ZNF800: variants seen among roughly 807,000 people sequenced by gnomAD.
ZNF800 encodes zinc finger protein 800.
Under a neutral mutation model 59.5 loss-of-function variants are expected in ZNF800, and 13 were observed. That is an observed-to-expected ratio of 0.22 (90% CI 0.14 to 0.35). The LOEUF (loss-of-function observed/expected upper bound fraction) is 0.35. ZNF800 is among the 10% of genes least tolerant of loss of function. ZNF800 has a pLI of 1.00. For synonymous variants in ZNF800, 266 were observed against 265.7 expected, an observed-to-expected ratio of 1.00 and a Z score of -0.01; for missense variants, 621 against 783.7, an observed-to-expected ratio of 0.79 and a Z score of 2.48.
At position 127,392,183 on chromosome 7, in the gene ZNF800, G is replaced by A. The variant is rs1262578847; in HGVS notation, c.-182C>T. 2.0e-5 allele frequency: 8 copies of A among 394,762 alleles called. No individual in the cohort carries two copies. The highest frequency in any genetic ancestry group is 3.1e-5 in the Non-Finnish European group (7 of 223,574). 24.5% of individuals were successfully genotyped at this position (394,762 alleles called of 1,614,324 possible). A position where few individuals can be genotyped will look rare whatever the true frequency, so the allele number is the denominator to read the frequency against. On this transcript the variant is annotated 5_prime_UTR_variant, in exon 1 of 6. Transcript: ENST00000265827. ...CTGGCGCAGCCTCCGCTGACCACGC[G>A]GGGGAACCCGGACTCGGGCCCGACG...
chr7:127,359,643 G>C (rs1334700543), intron 1 of ZNF800: 1 of 152,098 alleles, frequency 6.6e-6, no homozygotes, highest in Non-Finnish European at 1.5e-5. Context: ...TAGAGTCTCT[G>C]AACAGATGAC....
chr7:127,356,824 A>G (rs1474695167), intron 1 of ZNF800, among the ~76,000 whole-genome samples: 1 of 151,954 alleles, frequency 6.6e-6, no homozygotes, highest in African/African-American at 2.4e-5. Flanking sequence ...AAATTGTTTT[A>G]TTATAGCTAT....
chr7:127,388,828 T>C (rs770086566), intron 2 of ZNF800, among the ~76,000 whole-genome samples: 3 of 152,206 alleles, frequency 2.0e-5, no homozygotes, highest in Non-Finnish European at 4.4e-5. Context: ...TAGCTCCCAC[T>C]CTAAAGAAAC....
At chr7:127,381,447 T>TAC (rs966275184) in intron 3 of ZNF800, among the ~76,000 whole-genome samples, 65 of 151,780 alleles carry the variant, frequency 4.3e-4, no homozygotes, top group African/African-American at 1.5e-3. Flanking sequence ...TAAATATATA[T>TAC]ATATGTTAAT....
At position 127,391,590 on chromosome 7, in the gene ZNF800, G is replaced by A; in HGVS notation, c.-33C>T. The A allele has an allele frequency of 6.2e-7, 1 of 1,604,420 alleles. No individual in the cohort carries two copies. The highest frequency in any genetic ancestry group is 1.7e-4 in the Middle Eastern group (1 of 6,040). The stretch of plus-strand genomic sequence containing the variant: ...GGACTCGACCTACTTTGCTTTCACT[G>A]TAAGAAGCTCTTCATTGCGGCGTGG... On this transcript the variant is annotated 5_prime_UTR_variant, in exon 2 of 6. The change creates a premature stop within an existing upstream ORF in the 5' untranslated region. Transcript: ENST00000265827.
intron 4 of ZNF800, among the ~76,000 whole-genome samples, chr7:127,375,806 C>T (rs1364544659): frequency 6.6e-6 from 1 of 151,934 alleles, no homozygotes. Context: ...AATCTAGCTA[C>T]AAATTTAGTA....
Position 127,379,836 on chromosome 7 carries a change from A to ACCCCCCCCCCCCCCCCCCCCCCCCCC in ZNF800, c.158-2508_158-2507insGGGGGGGGGGGGGGGGGGGGGGGGGG, listed in dbSNP as rs71179574. On this transcript the variant is annotated intron_variant, in intron 3 of 5. Transcript: ENST00000265827. The stretch of plus-strand genomic sequence containing the variant: ...ACAAATGCTTCCCCTTACCCTTGCC[A>ACCCCCCCCCCCCCCCCCCCCCCCCCC]CCCCCCCACCCCCCCACCCCCCCCA... 2.2e-4 allele frequency among the ~76,000 whole-genome samples: 6 copies of ACCCCCCCCCCCCCCCCCCCCCCCCCC among 27,654 alleles called. 1 individual carries two copies. Among genetic ancestry groups the ACCCCCCCCCCCCCCCCCCCCCCCCCC allele is most frequent in the South Asian group, 2.6e-3 (1 of 386 alleles). 18.1% of individuals were successfully genotyped at this position (27,654 alleles called of 152,430 possible).
At chr7:127,386,941 A>G (rs1587455197) in intron 2 of ZNF800, among the ~76,000 whole-genome samples, 2 of 151,852 alleles carry the variant, frequency 1.3e-5, no homozygotes, top group African/African-American at 4.8e-5. Flanking sequence ...TATATTTTAT[A>G]TATGTATAAA....
intron 3 of ZNF800, among the ~76,000 whole-genome samples, chr7:127,379,409 C>T (rs1232715065): frequency 6.6e-6 from 1 of 152,142 alleles, no homozygotes; most frequent in Non-Finnish European, 1.5e-5. Context: ...CTGCTAGACC[C>T]ATAATACAGA....
intron 3 of ZNF800, among the ~76,000 whole-genome samples, chr7:127,379,831 TTGC>T (rs1562907405): frequency 3.6e-5 from 1 of 28,008 alleles, no homozygotes; most frequent in Non-Finnish European, 6.6e-5. Flanking sequence ...CCCCTTACCC[TTGC>T]CACCCCCCCA....
Position 127,379,836 on chromosome 7 carries a change from A to ACCCCCCCCCCCCCCCCCCCCCCCCC in ZNF800, c.158-2508_158-2507insGGGGGGGGGGGGGGGGGGGGGGGGG, listed in dbSNP as rs71179574. Among the ~76,000 whole-genome samples the ACCCCCCCCCCCCCCCCCCCCCCCCC allele has an allele frequency of 4.3e-4, 12 of 27,652 alleles. 3 individuals carry two copies. Among genetic ancestry groups the ACCCCCCCCCCCCCCCCCCCCCCCCC allele is most frequent in the East Asian group, 4.2e-3 (2 of 472 alleles). 18.1% of individuals were successfully genotyped at this position (27,652 alleles called of 152,430 possible). ...ACAAATGCTTCCCCTTACCCTTGCC[A>ACCCCCCCCCCCCCCCCCCCCCCCCC]CCCCCCCACCCCCCCACCCCCCCCA... On this transcript the variant is annotated intron_variant, in intron 3 of 5. Transcript: ENST00000265827.
At chr7:127,367,048 CAG>C (rs970183553), downstream of ZNF800, among the ~76,000 whole-genome samples, 2 of 152,066 alleles carry the variant, frequency 1.3e-5, no homozygotes, top group African/African-American at 2.4e-5. Flanking sequence ...CAAAATAAAG[CAG>C]AGTCTGAAAA....
intron 1 of ZNF800, among the ~76,000 whole-genome samples, chr7:127,357,679 A>G (rs11563644): frequency 6.6e-6 from 1 of 152,034 alleles, no homozygotes; most frequent in Non-Finnish European, 1.5e-5. Flanking sequence ...TTTTCAAGAA[A>G]TAATCTTTTA....
downstream of ZNF800, among the ~76,000 whole-genome samples, chr7:127,366,918 C>A (rs996746132): frequency 1.3e-5 from 2 of 152,056 alleles, no homozygotes; most frequent in African/African-American, 4.8e-5. Context: ...TTTCCTCTTA[C>A]AGAAGATTGA....
intron 2 of ZNF800, 65 bp downstream of exon 2, chr7:127,391,432 A>G (rs897559807): frequency 1.2e-4 from 178 of 1,520,788 alleles, no homozygotes; most frequent in Non-Finnish European, 8.7e-5. Context: ...AAAAAGCTAG[A>G]AAAAAAGAGA....
chr7:127,353,766 G>T (rs899668870), intron 1 of ZNF800, among the ~76,000 whole-genome samples: 1 of 151,914 alleles, frequency 6.6e-6, no homozygotes, highest in African/African-American at 2.4e-5. Context: ...TGGTCCATAA[G>T]ATCTAAAATC....
chr7:127,374,710 T>A lies in ZNF800; in HGVS notation c.626A>T (p.Glu209Val). Residue 209 changes from glutamate to valine, a missense_variant, in exon 5 of 6, where the codon GAA becomes GTA. Glu to Val is a moderately radical substitution (Grantham distance 121). Coordinates refer to ENST00000265827, the MANE Select transcript of ZNF800 (RefSeq NM_176814.5). Reference sequence around the variant, plus strand: ...GTCAGCCTGCGACTCCTGAGGTTGTTCATCAGATGTAGGTGCAACTTCATC... The same window carrying A: ...GTCAGCCTGCGACTCCTGAGGTTGTACATCAGATGTAGGTGCAACTTCATC... ...VTDEVAPTSD[E>V]QPQESQADLE... The A allele has an allele frequency of 6.2e-7, 1 of 1,614,058 alleles. No individual in the cohort carries two copies. The highest frequency in any genetic ancestry group is 1.6e-4 in the Middle Eastern group (1 of 6,062).
chr7:127,355,579 A>C (rs532094183), intron 1 of ZNF800, among the ~76,000 whole-genome samples: 1 of 152,226 alleles, frequency 6.6e-6, no homozygotes, highest in African/African-American at 2.4e-5. Context: ...GTAATAAGCA[A>C]AGTGGTGGTG....
chr7:127,391,484 A>G lies in ZNF800; in HGVS notation c.61+13T>C. On this transcript the variant is annotated intron_variant, in intron 2 of 5. Transcript: ENST00000265827. The stretch of plus-strand genomic sequence containing the variant: ...ATGGAGGGCAAAGCAACTGCGGACG[A>G]AGAGGGGTCTACCTGGTTCACAGCA... 6.2e-7 allele frequency: 1 copy of G among 1,614,052 alleles called. No individual in the cohort carries two copies. Among genetic ancestry groups the G allele is most frequent in the Non-Finnish European group, 8.5e-7 (1 of 1,179,908 alleles).
Sources: allele counts gnomAD v4.1 joint callset (sites outside exome capture counted in the v4.1 genomes callset), GRCh38; gene constraint gnomAD v4.1.1; transcripts MANE v1.5; gene names NCBI Gene and HGNC (gene_info 2026-07-23, HGNC 2026-07-21).